The following ORC3 variants were observed in gnomAD, a reference collection of about 807,000 sequenced individuals.
ORC3 encodes the protein origin recognition complex subunit 3.
Under a neutral mutation model 100.7 loss-of-function variants are expected in ORC3, and 78 were observed. That is an observed-to-expected ratio of 0.77 (90% CI 0.65 to 0.94). The LOEUF (loss-of-function observed/expected upper bound fraction) is 0.94, where lower values mean the gene tolerates loss of function less well. Among genes scored for constraint, ORC3 ranks in the 40% least tolerant of loss-of-function variants. ORC3 has a pLI of 0.00. For synonymous variants in ORC3, 295 were observed against 289.3 expected, an observed-to-expected ratio of 1.02 and a Z score of -0.20; for missense variants, 789 against 823.9, an observed-to-expected ratio of 0.96 and a Z score of 0.52.
chr6:87,606,885 A>G (rs1332954249), intron 5 of ORC3, among the ~76,000 whole-genome samples: 4 of 152,156 alleles, frequency 2.6e-5, no homozygotes, highest in Non-Finnish European at 4.4e-5. Flanking sequence ...GATTAGATTG[A>G]TAAAAGAGAT....
At chr6:87,655,122 T>C (rs1453782526) in intron 14 of ORC3, among the ~76,000 whole-genome samples, 2 of 152,220 alleles carry the variant, frequency 1.3e-5, no homozygotes, top group East Asian at 3.8e-4. Context: ...TTCCTTAACA[T>C]TTATTACATA....
At chr6:87,644,285 G>A (rs180981978) in intron 13 of ORC3, among the ~76,000 whole-genome samples, 3,426 of 150,218 alleles carry the variant, frequency 0.023, 124 homozygotes, top group African/African-American at 0.078. Flanking sequence ...GTAGAGACGG[G>A]GTTTCACCGT....
chr6:87,651,210 G>A (rs534595412), intron 13 of ORC3: 2 of 456,228 alleles, frequency 4.4e-6, no homozygotes, highest in East Asian at 7.0e-5. Context: ...GTTATTTGGA[G>A]CTCAAAGTGG....
intron 12 of ORC3, among the ~76,000 whole-genome samples, chr6:87,635,240 C>T (rs1448806602): frequency 6.6e-6 from 1 of 152,208 alleles, no homozygotes; most frequent in Non-Finnish European, 1.5e-5. Flanking sequence ...TTTAACACTT[C>T]CTTGTCACCT....
intron 2 of ORC3, among the ~76,000 whole-genome samples, chr6:87,596,337 G>A (rs543425064): frequency 6.6e-6 from 1 of 151,230 alleles, no homozygotes; most frequent in East Asian, 2.0e-4. Context: ...GTTTCACTAT[G>A]TTGGCCAGGC....
At chr6:87,595,583 C>T (rs1335401198) in intron 2 of ORC3, 2 of 152,196 alleles carry the variant, frequency 1.3e-5, no homozygotes, top group Non-Finnish European at 2.9e-5. Context: ...GATTTCCTCT[C>T]TTAGTCTTCA....
At chr6:87,671,786 A>G (rs1770838132), downstream of ORC3, among the ~76,000 whole-genome samples, 3 of 152,336 alleles carry the variant, frequency 2.0e-5, no homozygotes, top group East Asian at 5.8e-4. Context: ...TACTAAGAGT[A>G]ACAGAGAGGA....
intron 8 of ORC3, among the ~76,000 whole-genome samples, chr6:87,616,050 AT>A (rs199851482): frequency 1.1e-4 from 16 of 151,004 alleles, no homozygotes; most frequent in African/African-American, 3.2e-4. Context: ...AATAGGTGGT[AT>A]TTTTTTTTAA....
intron 3 of ORC3, among the ~76,000 whole-genome samples, chr6:87,602,905 T>TTATATATATTA (rs1554236420): frequency 2.3e-5 from 3 of 133,138 alleles, no homozygotes; most frequent in African/African-American, 8.8e-5. Context: ...CATATATATA[T>TTATATATATTA]TATATATTAT....
chr6:87,667,004 A>G lies in ORC3; in HGVS notation c.2031-14A>G, dbSNP rs776885116. The G allele has an allele frequency of 5.2e-5, 81 of 1,553,548 alleles. No homozygotes were observed. The highest frequency in any genetic ancestry group is 6.7e-5 in the Non-Finnish European group (76 of 1,142,660). On this transcript the variant is annotated splice_polypyrimidine_tract_variant and intron_variant, in intron 19 of 19. Transcript: ENST00000392844. Reference sequence around the variant, plus strand: ...AAATACAGCACGGCCAGTTTCCTTAATTAAAGCCTCCAGTGCTCGGTTTAT... The same window carrying G: ...AAATACAGCACGGCCAGTTTCCTTAGTTAAAGCCTCCAGTGCTCGGTTTAT...
At position 87,636,489 on chromosome 6, in the gene ORC3, A is replaced by C. The variant is rs1767840312; in HGVS notation, c.1382+3A>C. ...GCATCAGTCTTGCAGCTGCTGAGGT[A>C]GTTTTGTTTTTTCTTGTTTTTCTAT... On this transcript the variant is annotated splice_donor_region_variant and intron_variant, in intron 13 of 19. Coordinates refer to ENST00000392844, the MANE Select transcript of ORC3 (RefSeq NM_012381.4). 2.5e-6 allele frequency: 4 copies of C among 1,604,356 alleles called. No homozygotes were observed. The highest frequency in any genetic ancestry group is 3.4e-6 in the Non-Finnish European group (4 of 1,171,442).
At chr6:87,656,409 G>A (rs1000076356) in intron 14 of ORC3, among the ~76,000 whole-genome samples, 11 of 152,048 alleles carry the variant, frequency 7.2e-5, no homozygotes, top group South Asian at 6.2e-4. Flanking sequence ...CCAACGTGGC[G>A]AAACCCCTTC....
chr6:87,590,339 G>C, intron 1 of ORC3, 147 bp downstream of exon 1: 3 of 864,978 alleles, frequency 3.5e-6, no homozygotes, highest in South Asian at 2.8e-5. Flanking sequence ...CCTTGCTCCA[G>C]ATCAGTTGAG....
intron 6 of ORC3, 111 bp from the exon 7 acceptor site, chr6:87,608,985 A>G: frequency 1.2e-6 from 1 of 811,852 alleles, no homozygotes. Context: ...GAAAAAAAAT[A>G]AACAGTGTTA....
chr6:87,609,209 A>G lies in ORC3; in HGVS notation c.693A>G (p.Gln231=), dbSNP rs769255551. The G allele has an allele frequency of 6.3e-7, 1 of 1,599,672 alleles. No homozygotes were observed. The highest frequency in any genetic ancestry group is 1.1e-5 in the South Asian group (1 of 88,028). ...DMESFATKVL[Q]DFIIISSQHL... is the part of the protein sequence containing the mutation. ...AAAGCTTTGCCACAAAAGTACTACA[A>G]GACTTCATAATTATCAGCAGGTAGA... Residue 231 remains glutamine, a synonymous_variant, in exon 7 of 20, where the codon CAA becomes CAG. Transcript: ENST00000392844.
chr6:87,629,288 T>A (rs1168498921), intron 11 of ORC3, among the ~76,000 whole-genome samples: 2 of 152,232 alleles, frequency 1.3e-5, no homozygotes, highest in East Asian at 3.8e-4. Flanking sequence ...ATCAGTGAAT[T>A]GATTGAAAAG....
chr6:87,675,746 A>G, the ORC3 span: 2 of 1,445,624 alleles, frequency 1.4e-6, no homozygotes, highest in Non-Finnish European at 1.9e-6. Flanking sequence ...TTTCCTCCAT[A>G]CATTCTCAGT....
At chr6:87,621,517 AC>A in intron 10 of ORC3, 30 bp downstream of exon 10, 1 of 1,494,966 alleles carries the variant, frequency 6.7e-7, no homozygotes, top group South Asian at 1.3e-5. Flanking sequence ...TTTAACACAT[AC>A]TATACTAGAA....
At chr6:87,671,520 G>A (rs1770831162), downstream of ORC3, among the ~76,000 whole-genome samples, 1 of 151,936 alleles carries the variant, frequency 6.6e-6, no homozygotes, top group Non-Finnish European at 1.5e-5. Context: ...ATAATCTGAT[G>A]TCCTTATGAT....
Sources: allele counts gnomAD v4.1 joint callset (sites outside exome capture counted in the v4.1 genomes callset), GRCh38; gene constraint gnomAD v4.1.1; transcripts MANE v1.5; gene names NCBI Gene and HGNC (gene_info 2026-07-23, HGNC 2026-07-21).